FGGY: variants seen among roughly 807,000 people sequenced by gnomAD.
The protein encoded by FGGY is FGGY carbohydrate kinase domain containing, also known as FGGY carbohydrate kinase domain-containing protein.
FGGY carries 72 observed loss-of-function variants against 71.3 expected under a neutral mutation model. That is an observed-to-expected ratio of 1.01 (90% confidence interval 0.84 to 1.23). The LOEUF is 1.23. Among genes scored for constraint, FGGY ranks in the 50% most tolerant of loss-of-function variants. The pLI, the probability that FGGY is intolerant of heterozygous loss-of-function variation, is 0.00. For missense variants in FGGY, 668 were observed against 682.3 expected, an observed-to-expected ratio of 0.98 and a Z score of 0.23; for synonymous variants, 251 against 250.3, an observed-to-expected ratio of 1.00 and a Z score of -0.02.
intron 6 of FGGY, among the ~76,000 whole-genome samples, chr1:59,493,431 A>T (rs2093940331): frequency 6.6e-6 from 1 of 152,182 alleles, no homozygotes; most frequent in African/African-American, 2.4e-5. Context: ...TGATATATAC[A>T]CATAACAGAA....
rs72915615 is a variant in FGGY at position 59,477,315 on chromosome 1, C to T, written c.670+20239C>T. 3.9e-3 allele frequency among the ~76,000 whole-genome samples: 600 copies of T among 152,212 alleles called. 4 individuals are homozygous for T. Among genetic ancestry groups the T allele is most frequent in the African/African-American group, 0.014 (567 of 41,544 alleles). The stretch of plus-strand genomic sequence containing the variant: ...CTCTGGTTCTGTGGAGTTTTGACTC[C>T]GAGATACCCATGACCTTTTAAGTTT... On this transcript the variant is annotated intron_variant, in intron 6 of 15. Coordinates refer to ENST00000303721, the MANE Select transcript of FGGY (RefSeq NM_018291.5).
At chr1:59,656,350 G>A (rs539030050) in intron 11 of FGGY, among the ~76,000 whole-genome samples, 1 of 152,264 alleles carries the variant, frequency 6.6e-6, no homozygotes, top group South Asian at 2.1e-4. Flanking sequence ...TTTCAAAGCT[G>A]TGCCTCTCCC....
intron 5 of FGGY, among the ~76,000 whole-genome samples, chr1:59,403,850 G>A (rs774627009): frequency 6.6e-6 from 1 of 152,196 alleles, no homozygotes; most frequent in Non-Finnish European, 1.5e-5. Flanking sequence ...TGTGATCTTG[G>A]ACAAGTACCT....
At chr1:59,380,430 C>T (rs987925105) in intron 5 of FGGY, among the ~76,000 whole-genome samples, 4 of 151,436 alleles carry the variant, frequency 2.6e-5, no homozygotes, top group East Asian at 1.9e-4. Context: ...AAAGTGTTCC[C>T]ATTTCTCCAC....
chr1:59,539,951 A>C (rs1293460927), intron 7 of FGGY, among the ~76,000 whole-genome samples: 2 of 152,238 alleles, frequency 1.3e-5, no homozygotes, highest in Non-Finnish European at 2.9e-5. Context: ...AAATGTGTGC[A>C]TATATACATT....
At chr1:59,300,173 T>C (rs1156446561) in intron 1 of FGGY, among the ~76,000 whole-genome samples, 2 of 152,182 alleles carry the variant, frequency 1.3e-5, no homozygotes, top group African/African-American at 2.4e-5. Flanking sequence ...GAGTGTCTAA[T>C]TGGAGAAGTT....
chr1:59,667,614 CATTGAATA>C (rs1311632748), intron 13 of FGGY, among the ~76,000 whole-genome samples: 1 of 152,142 alleles, frequency 6.6e-6, no homozygotes, highest in Non-Finnish European at 1.5e-5. Context: ...TATATCCAAC[CATTGAATA>C]ATGGTGAGAA....
At chr1:59,625,504 T>C (rs556423860) in intron 9 of FGGY, among the ~76,000 whole-genome samples, 2 of 152,056 alleles carry the variant, frequency 1.3e-5, no homozygotes, top group Non-Finnish European at 2.9e-5. Context: ...ATGAGGGTTT[T>C]TTCAAAAACC....
chr1:59,385,632 ATG>A (rs2059988419), intron 5 of FGGY, among the ~76,000 whole-genome samples: 1 of 152,186 alleles, frequency 6.6e-6, no homozygotes, highest in African/African-American at 2.4e-5. Context: ...AGAAAAATAT[ATG>A]TATAAATTCT....
chr1:59,672,601 G>A (rs2097391214), intron 13 of FGGY, among the ~76,000 whole-genome samples: 1 of 152,192 alleles, frequency 6.6e-6, no homozygotes, highest in African/African-American at 2.4e-5. Flanking sequence ...GCCCAGTTGA[G>A]AGCTGGTATT....
intron 5 of FGGY, among the ~76,000 whole-genome samples, chr1:59,446,721 T>G (rs1388813719): frequency 6.6e-6 from 1 of 152,192 alleles, no homozygotes; most frequent in Non-Finnish European, 1.5e-5. Flanking sequence ...AATATCTTGG[T>G]AATTTATCCC....
chr1:59,694,105 C>T lies in FGGY; in HGVS notation c.1512+19972C>T, dbSNP rs886389762. ...TTACAAGGTCAGGAGATCGAGACCA[C>T]GGTGAAATCCCATCTCTACTAAAAA... On this transcript the variant is annotated intron_variant, in intron 14 of 15. Coordinates refer to ENST00000303721, the MANE Select transcript of FGGY (RefSeq NM_018291.5). 1.7e-4 allele frequency among the ~76,000 whole-genome samples: 25 copies of T among 151,316 alleles called. 1 individual carries two copies. Among genetic ancestry groups the T allele is most frequent in the Admixed American group, 6.6e-4 (10 of 15,170 alleles).
chr1:59,535,229 CAAAG>C (rs1226824559), intron 7 of FGGY, among the ~76,000 whole-genome samples: 1 of 151,594 alleles, frequency 6.6e-6, no homozygotes, highest in African/African-American at 2.4e-5. Flanking sequence ...TCAAAAGAGA[CAAAG>C]AAGGCCATTA....
At chr1:59,376,420 G>A (rs113136235) in intron 4 of FGGY, among the ~76,000 whole-genome samples, 12 of 152,278 alleles carry the variant, frequency 7.9e-5, no homozygotes, top group African/African-American at 2.6e-4. Flanking sequence ...GGATAGTACC[G>A]TTTATCTGCT....
intron 14 of FGGY, among the ~76,000 whole-genome samples, chr1:59,685,211 C>G (rs562492084): frequency 7.2e-5 from 11 of 152,194 alleles, no homozygotes; most frequent in Non-Finnish European, 1.3e-4. Context: ...GGACCTCTCT[C>G]TCACTACTGA....
intron 2 of FGGY, 101 bp downstream of exon 2, chr1:59,321,851 C>A: frequency 2.5e-6 from 3 of 1,212,238 alleles, no homozygotes; most frequent in Non-Finnish European, 3.5e-6. Flanking sequence ...ACTTTAGATG[C>A]AGAGGTAAGC....
chr1:59,758,015 T>G (rs558699300), intron 15 of FGGY, 23 bp downstream of exon 15: 22 of 1,570,674 alleles, frequency 1.4e-5, no homozygotes, highest in Non-Finnish European at 1.8e-5. Flanking sequence ...TTTTTATATG[T>G]ACAGTGCTAA....
chr1:59,598,787 T>C (rs1486787206), intron 8 of FGGY, among the ~76,000 whole-genome samples: 1 of 152,250 alleles, frequency 6.6e-6, no homozygotes, highest in Non-Finnish European at 1.5e-5. Flanking sequence ...ATGTGTTTTA[T>C]ATCCTATTAT....
intron 7 of FGGY, among the ~76,000 whole-genome samples, chr1:59,536,847 C>A (rs1048053815): frequency 2.6e-5 from 4 of 152,098 alleles, no homozygotes; most frequent in African/African-American, 9.7e-5. Flanking sequence ...GGACATATTT[C>A]AAAATAATAA....
Sources: allele counts gnomAD v4.1 joint callset (sites outside exome capture counted in the v4.1 genomes callset), GRCh38; gene constraint gnomAD v4.1.1; transcripts MANE v1.5; gene names NCBI Gene and HGNC (gene_info 2026-07-23, HGNC 2026-07-21).